Variants in ZNF431 observed in about 807,000 individuals in gnomAD.
ZNF431 encodes the protein zinc finger protein 431.
In ZNF431, 34 loss-of-function variants were observed where a neutral mutation model predicts 57.0. The ratio of observed to expected loss-of-function variants is 0.60; its 90% CI spans 0.45 to 0.79. ZNF431 has a LOEUF of 0.79. Ranked by LOEUF, ZNF431 falls within the 30% of genes least tolerant of loss-of-function variation. The pLI, the probability that ZNF431 is intolerant of heterozygous loss-of-function variation, is 0.00. For synonymous variants in ZNF431, 207 were observed against 220.3 expected, an observed-to-expected ratio of 0.94 and a Z score of 0.54; for missense variants, 607 against 667.1, an observed-to-expected ratio of 0.91 and a Z score of 0.99.
rs751286132 is a variant in ZNF431, at chr19:21,168,278, T to TA, written c.319+613dup. Among the ~76,000 whole-genome samples the TA allele has an allele frequency of 2.4e-3, 366 of 152,308 alleles. 4 individuals are homozygous for TA. The highest frequency in any genetic ancestry group is 3.4e-3 in the Middle Eastern group (1 of 294). ...ATTGTATTTTCTATTGTGAAAAAAA[T>TA]ACCACTGGAATTATCATGGGGAGTT... On this transcript the variant is annotated intron_variant, in intron 4 of 4. Transcript: ENST00000311048.
At position 21,143,635 on chromosome 19, in the gene ZNF431, T is replaced by G; in HGVS notation, c.88T>G (p.Phe30Val). Residue 30 changes from phenylalanine to valine, a missense_variant, in exon 2 of 5, where the codon TTT (phenylalanine) becomes GTT (valine). Coordinates refer to ENST00000311048, the MANE Select transcript of ZNF431 (RefSeq NM_133473.4). ...AERNLLVYSY[F>V]EKETLTFRDV... is the part of the protein sequence containing the mutation. ...GAGGAATCTTCTAGTTTACTCTTAT[T>G]TTGAAAAGGTAACCTCTTGAGACAT... 2 of 1,613,274 alleles carry G rather than the reference T, an allele frequency of 1.2e-6. No individual in the cohort carries two copies. The highest frequency in any genetic ancestry group is 1.7e-6 in the Non-Finnish European group (2 of 1,179,260).
rs1332032222 is a variant in ZNF431 at position 21,184,242 on chromosome 19, C to T, written c.*208C>T. ...GCACGTGCCTGTATTCCCATCTACT[C>T]GGGAGGCTTAGGCAGGATAATCACT... On this transcript the variant is annotated 3_prime_UTR_variant, in exon 5 of 5. Coordinates refer to ENST00000311048, the MANE Select transcript of ZNF431 (RefSeq NM_133473.4). 5 of 445,280 alleles carry T rather than the reference C, an allele frequency of 1.1e-5. No homozygotes were observed. Among genetic ancestry groups the T allele is most frequent in the East Asian group, 3.8e-5 (1 of 26,064 alleles). 27.6% of individuals were successfully genotyped at this position (445,280 alleles called of 1,614,324 possible).
intron 3 of ZNF431, among the ~76,000 whole-genome samples, chr19:21,167,300 C>T (rs530445075): frequency 1.3e-5 from 2 of 151,888 alleles, no homozygotes; most frequent in South Asian, 4.2e-4. Context: ...GCTGGGACTA[C>T]AGGCACCTGC....
chr19:21,158,975 T>C (rs574840797), intron 2 of ZNF431, among the ~76,000 whole-genome samples: 1 of 152,350 alleles, frequency 6.6e-6, no homozygotes, highest in East Asian at 1.9e-4. Flanking sequence ...TGACTCATTA[T>C]TTTGAAGTAT....
At chr19:21,145,368 T>C (rs1395311526) in intron 2 of ZNF431, among the ~76,000 whole-genome samples, 1 of 152,100 alleles carries the variant, frequency 6.6e-6, no homozygotes, top group East Asian at 1.9e-4. Context: ...CCCAGCTTAC[T>C]CGGGAGGCTG....
chr19:21,180,836 A>T (rs1305783653), intron 4 of ZNF431, among the ~76,000 whole-genome samples: 1 of 151,728 alleles, frequency 6.6e-6, no homozygotes, highest in Non-Finnish European at 1.5e-5. Context: ...AGTCCCAGCT[A>T]CTCGGGAGGC....
At chr19:21,169,015 G>A (rs755839476) in intron 4 of ZNF431, among the ~76,000 whole-genome samples, 1 of 152,030 alleles carries the variant, frequency 6.6e-6, no homozygotes, top group African/African-American at 2.4e-5. Context: ...AGGTTCAAGC[G>A]ATTCTCCTGC....
chr19:21,170,095 T>C (rs1970840205), intron 4 of ZNF431, among the ~76,000 whole-genome samples: 1 of 152,200 alleles, frequency 6.6e-6, no homozygotes, highest in Non-Finnish European at 1.5e-5. Flanking sequence ...GTGCCTGTCC[T>C]CTGAAAAAAC....
chr19:21,161,137 C>T (rs1487927015), intron 2 of ZNF431, among the ~76,000 whole-genome samples: 1 of 151,272 alleles, frequency 6.6e-6, no homozygotes, highest in African/African-American at 2.4e-5. Flanking sequence ...CACTGAACTC[C>T]AGCCTGGTGA....
intron 2 of ZNF431, among the ~76,000 whole-genome samples, chr19:21,154,515 A>G (rs1970365904): frequency 6.6e-6 from 1 of 152,220 alleles, no homozygotes; most frequent in Admixed American, 6.5e-5. Context: ...CATGATTTAT[A>G]AACTTTTGGG....
intron 4 of ZNF431, among the ~76,000 whole-genome samples, chr19:21,182,190 T>C (rs1427349088): frequency 6.6e-6 from 1 of 152,196 alleles, no homozygotes; most frequent in Non-Finnish European, 1.5e-5. Flanking sequence ...CTTTATGTTA[T>C]GGGAGACCAG....
chr19:21,143,613 G>T lies in ZNF431; in HGVS notation c.66G>T (p.Arg22Ser), dbSNP rs188145088. ...CAAGTGGATGCCCTGGGGCTGAGAG[G>T]AATCTTCTAGTTTACTCTTATTTTG... ...KEASGCPGAE[R>S]NLLVYSYFEK... Residue 22 changes from arginine (R) to serine (S), a missense_variant, in exon 2 of 5, where the codon AGG (arginine) becomes AGT (serine). Coordinates refer to ENST00000311048, the MANE Select transcript of ZNF431 (RefSeq NM_133473.4). 6.8e-6 allele frequency: 11 copies of T among 1,613,750 alleles called. No individual in the cohort carries two copies. The East Asian group carries it at 2.5e-4, about 36-fold the overall frequency.
chr19:21,145,405 A>T (rs1164179411), intron 2 of ZNF431, among the ~76,000 whole-genome samples: 1 of 152,216 alleles, frequency 6.6e-6, no homozygotes, highest in Non-Finnish European at 1.5e-5. Flanking sequence ...TGAACCCGAG[A>T]GGCGGAGCTT....
At chr19:21,175,827 G>GCCC (rs1971033453) in intron 4 of ZNF431, among the ~76,000 whole-genome samples, 9 of 152,190 alleles carry the variant, frequency 5.9e-5, no homozygotes, top group Admixed American at 3.9e-4. Flanking sequence ...GTCTGTCATA[G>GCCC]ATGGGCATTT....
chr19:21,163,616 G>A (rs1970638586), intron 2 of ZNF431, among the ~76,000 whole-genome samples: 1 of 152,056 alleles, frequency 6.6e-6, no homozygotes, highest in Non-Finnish European at 1.5e-5. Context: ...CTGCCCTCTG[G>A]GTTTAAGCGA....
In ZNF431 at chr19:21,154,871, G is replaced by A. The variant is rs1381495325; in HGVS notation, c.96+11228G>A. Among the ~76,000 whole-genome samples the A allele has an allele frequency of 2.0e-5, 3 of 148,178 alleles. No individual in the cohort carries two copies. In the East Asian group the frequency reaches 5.8e-4, roughly 29 times the overall value. On this transcript the variant is annotated intron_variant, in intron 2 of 4. Coordinates refer to ENST00000311048, the MANE Select transcript of ZNF431 (RefSeq NM_133473.4). Reference sequence around the variant, plus strand: ...TGCCCACTTGTTGATGGGGTTGTTTGTTTTTTTCTTATAAATTTGTCTGAG... The same window carrying A: ...TGCCCACTTGTTGATGGGGTTGTTTATTTTTTTCTTATAAATTTGTCTGAG...
At position 21,191,674 on chromosome 19, in the gene ZNF431, T is replaced by TG. The variant is rs1271852006; in HGVS notation, c.*7640_*7641insG. ...TGTTCTTTCCCTTTAAAGTCACCTG[T>TG]ATTTAAAATCAACTGTAAATACATG... On this transcript the variant is annotated 3_prime_UTR_variant, in exon 5 of 5. Transcript: ENST00000311048. The TG allele has an allele frequency of 6.6e-6, 1 of 152,234 alleles. No individual in the cohort carries two copies. The highest frequency in any genetic ancestry group is 2.4e-5 in the African/African-American group (1 of 41,474). The allele number at this position is 152,234 out of a possible 1,614,324, so 9.4% of individuals were successfully genotyped here.
At chr19:21,175,580 C>T in intron 4 of ZNF431, 2 of 544,076 alleles carry the variant, frequency 3.7e-6, no homozygotes, top group South Asian at 5.1e-5. Flanking sequence ...TGATTCTCTC[C>T]CTCCCCGTGA....
chr19:21,181,319 G>GT (rs774209940), intron 4 of ZNF431, among the ~76,000 whole-genome samples: 1 of 151,696 alleles, frequency 6.6e-6, no homozygotes, highest in Non-Finnish European at 1.5e-5. Flanking sequence ...ATTTTTAAAG[G>GT]TTTTTTTTCT....
Sources: allele counts gnomAD v4.1 joint callset (sites outside exome capture counted in the v4.1 genomes callset), GRCh38; gene constraint gnomAD v4.1.1; transcripts MANE v1.5; gene names NCBI Gene and HGNC (gene_info 2026-07-23, HGNC 2026-07-21).